TTLL11: variants seen among roughly 807,000 people sequenced by gnomAD.
TTLL11 encodes tubulin tyrosine ligase like 11, also known as tubulin polyglutamylase TTLL11.
Under a neutral mutation model 51.7 loss-of-function variants are expected in TTLL11, and 42 were observed. That is an observed-to-expected ratio of 0.81 (90% CI 0.64 to 1.05). The LOEUF (loss-of-function observed/expected upper bound fraction) is 1.05. Among genes scored for constraint, TTLL11 ranks in the 50% least tolerant of loss-of-function variants. TTLL11 has a pLI of 0.00. For missense variants in TTLL11, 799 were observed against 940.4 expected (o/e 0.85, Z 1.97); for synonymous variants, 381 against 383.5 (o/e 0.99, Z 0.08).
chr9:122,048,569 G>A (rs1845078828), intron 1 of TTLL11, among the ~76,000 whole-genome samples: 1 of 152,136 alleles, frequency 6.6e-6, no homozygotes, highest in Non-Finnish European at 1.5e-5. Context: ...TAAGCTCCAA[G>A]CCTCATCTGA....
At position 121,888,975 on chromosome 9, in the gene TTLL11, G is replaced by A. The variant is rs140494317; in HGVS notation, c.1482-18227C>T. 6.5e-3 allele frequency among the ~76,000 whole-genome samples: 990 copies of A among 152,304 alleles called. 11 individuals are homozygous for A. Among genetic ancestry groups the A allele is most frequent in the African/African-American group, 0.023 (954 of 41,560 alleles). ...TAAGCCAGTTCAGTGCTTTGCCCAA[G>A]GACACATAGCTCCCAAATGCTAGAG... is the stretch of plus-strand genomic sequence containing the variant. On this transcript the variant is annotated intron_variant, in intron 6 of 8. Coordinates refer to ENST00000321582, the MANE Select transcript of TTLL11 (RefSeq NM_001139442.2).
intron 8 of TTLL11, among the ~76,000 whole-genome samples, chr9:121,848,394 A>G (rs1476440529): frequency 6.6e-6 from 1 of 152,202 alleles, no homozygotes; most frequent in African/African-American, 2.4e-5. Context: ...TTGGACTAGA[A>G]GTCATAGCTA....
intron 6 of TTLL11, among the ~76,000 whole-genome samples, chr9:121,914,410 G>A (rs1039260137): frequency 6.6e-6 from 1 of 152,236 alleles, no homozygotes; most frequent in African/African-American, 2.4e-5. Flanking sequence ...TACCTGGGAG[G>A]CCTGGGTTGG....
At position 121,901,776 on chromosome 9, in the gene TTLL11, C is replaced by G. The variant is rs181313736; in HGVS notation, c.1482-31028G>C. On this transcript the variant is annotated intron_variant, in intron 6 of 8. Transcript: ENST00000321582. Reference sequence around the variant, plus strand: ...GACTTTGTTTCTTGTCTCCATGTGGCCCCAAGGTCTAGGCCACAAGGGATT... The same window carrying G: ...GACTTTGTTTCTTGTCTCCATGTGGGCCCAAGGTCTAGGCCACAAGGGATT... Among the ~76,000 whole-genome samples the G allele has an allele frequency of 3.0e-3, 461 of 152,194 alleles. 3 individuals are homozygous for G. Among genetic ancestry groups the G allele is most frequent in the African/African-American group, 0.011 (443 of 41,522 alleles).
chr9:121,854,033 A>G (rs910880675), intron 8 of TTLL11, among the ~76,000 whole-genome samples: 5 of 152,092 alleles, frequency 3.3e-5, no homozygotes, highest in Non-Finnish European at 5.9e-5. Flanking sequence ...CATTTCATCC[A>G]TCCCAAGGTT....
At chr9:121,922,597 A>AT (rs1840582661) in intron 6 of TTLL11, among the ~76,000 whole-genome samples, 1 of 152,126 alleles carries the variant, frequency 6.6e-6, no homozygotes, top group South Asian at 2.1e-4. Context: ...GGTAAAATGG[A>AT]TTTTTTTCTC....
At chr9:121,983,694 A>C (rs1162678703) in intron 4 of TTLL11, among the ~76,000 whole-genome samples, 2 of 152,156 alleles carry the variant, frequency 1.3e-5, no homozygotes, top group East Asian at 3.9e-4. Context: ...AGGGTTAGGC[A>C]AAGTTAGCGA....
intron 1 of TTLL11, among the ~76,000 whole-genome samples, chr9:122,046,309 G>GC (rs1249219092): frequency 6.6e-6 from 1 of 152,056 alleles, no homozygotes; most frequent in African/African-American, 2.4e-5. Context: ...TCCTGCTCCA[G>GC]CCATGTAAGA....
chr9:122,088,108 C>T (rs915958834), intron 1 of TTLL11, among the ~76,000 whole-genome samples: 1 of 152,234 alleles, frequency 6.6e-6, no homozygotes, highest in Non-Finnish European at 1.5e-5. Context: ...GGCAAGCAAT[C>T]TGTGATTAAA....
At chr9:121,977,809 G>C (rs1349291903) in intron 4 of TTLL11, among the ~76,000 whole-genome samples, 1 of 151,744 alleles carries the variant, frequency 6.6e-6, no homozygotes, top group Non-Finnish European at 1.5e-5. Flanking sequence ...CAAGCAGCTG[G>C]GATTACAGAC....
At chr9:121,988,310 T>C (rs902381116) in intron 4 of TTLL11, among the ~76,000 whole-genome samples, 5 of 152,108 alleles carry the variant, frequency 3.3e-5, no homozygotes, top group Non-Finnish European at 5.9e-5. Flanking sequence ...CTTTGAAACA[T>C]ACAAATTGGA....
At chr9:121,873,341 T>A (rs998869787) in intron 6 of TTLL11, among the ~76,000 whole-genome samples, 3 of 151,694 alleles carry the variant, frequency 2.0e-5, no homozygotes, top group African/African-American at 4.8e-5. Flanking sequence ...AATCCACTGA[T>A]CCACTGCTCT....
chr9:121,946,116 A>C (rs1841652164), intron 6 of TTLL11, among the ~76,000 whole-genome samples: 1 of 152,256 alleles, frequency 6.6e-6, no homozygotes, highest in African/African-American at 2.4e-5. Context: ...GCACTAAATA[A>C]GTATTTGTTG....
intron 1 of TTLL11, among the ~76,000 whole-genome samples, chr9:122,070,131 G>A (rs940123059): frequency 2.0e-5 from 3 of 152,112 alleles, no homozygotes; most frequent in Non-Finnish European, 2.9e-5. Context: ...TATAGAGGGA[G>A]GGACACACCA....
intron 6 of TTLL11, among the ~76,000 whole-genome samples, chr9:121,955,024 G>A (rs779209018): frequency 4.6e-5 from 7 of 152,122 alleles, no homozygotes; most frequent in Admixed American, 6.5e-5. Flanking sequence ...CCAAGACCTC[G>A]ACTCCCAGCC....
At chr9:122,083,805 A>G (rs1226250702) in intron 1 of TTLL11, among the ~76,000 whole-genome samples, 1 of 152,100 alleles carries the variant, frequency 6.6e-6, no homozygotes, top group Non-Finnish European at 1.5e-5. Context: ...GCAAGACTCT[A>G]TCTCGAAAAA....
At chr9:121,871,431 A>C (rs547409681) in intron 6 of TTLL11, among the ~76,000 whole-genome samples, 1 of 152,218 alleles carries the variant, frequency 6.6e-6, no homozygotes, top group African/African-American at 2.4e-5. Context: ...ATCTCCTTGA[A>C]CGTCACAACC....
chr9:121,908,514 G>A lies in TTLL11; in HGVS notation c.1482-37766C>T, dbSNP rs549127669. Among the ~76,000 whole-genome samples the A allele has an allele frequency of 2.3e-4, 35 of 152,298 alleles. 1 individual carries two copies. The South Asian group carries it at 5.6e-3, about 24-fold the overall frequency. ...CACGAGCTGGTGTTTCATGAGCAACGAACAGAAAACCATCTCCCATTTTGA... is the reference window on the plus strand; with the variant it reads ...CACGAGCTGGTGTTTCATGAGCAACAAACAGAAAACCATCTCCCATTTTGA... On this transcript the variant is annotated intron_variant, in intron 6 of 8. Coordinates refer to ENST00000321582, the MANE Select transcript of TTLL11 (RefSeq NM_001139442.2).
At position 122,080,822 on chromosome 9, in the gene TTLL11, C is replaced by T. The variant is rs79726036; in HGVS notation, c.462+11865G>A. On this transcript the variant is annotated intron_variant, in intron 1 of 8. Transcript: ENST00000321582. ...AAAATAAATAATGAAATACAACCCA[C>T]AGAATGAAATATTTTGCAGCAATTA... Among the ~76,000 whole-genome samples the T allele has an allele frequency of 4.4e-3, 662 of 152,000 alleles. 3 individuals are homozygous for T. The highest frequency in any genetic ancestry group is 0.015 in the African/African-American group (620 of 41,468).
Sources: allele counts gnomAD v4.1 joint callset (sites outside exome capture counted in the v4.1 genomes callset), GRCh38; gene constraint gnomAD v4.1.1; transcripts MANE v1.5; gene names NCBI Gene and HGNC (gene_info 2026-07-23, HGNC 2026-07-21).